Variants in NUTM2B observed in about 807,000 individuals in gnomAD.
The protein encoded by NUTM2B is NUT family member 2B, also known as family with sequence similarity 22, member B.
Under a neutral mutation model 42.4 loss-of-function variants are expected in NUTM2B, and 2 were observed. The observed-to-expected ratio is 0.05, with a 90% CI of 0.02 to 0.15. The LOEUF is 0.15. Among genes scored for constraint, NUTM2B ranks in the 10% least tolerant of loss-of-function variants. NUTM2B has a pLI of 1.00. For missense variants in NUTM2B, 58 were observed against 952.6 expected (o/e 0.06, Z 12.36); for synonymous variants, 18 against 402.4 (o/e 0.04, Z 11.43).
upstream of NUTM2B, among the ~76,000 whole-genome samples, chr10:79,700,267 A>G (rs576330260): frequency 7.0e-3 from 1,059 of 152,346 alleles, 4 homozygotes; most frequent in Middle Eastern, 0.027. Context: ...AACTTACTCA[A>G]TGAGGTCGTC....
upstream of NUTM2B, among the ~76,000 whole-genome samples, chr10:79,700,111 C>A (rs532471779): frequency 6.6e-6 from 1 of 152,344 alleles, no homozygotes; most frequent in East Asian, 1.9e-4. Flanking sequence ...CACACTCTTG[C>A]ATCCACAACC....
At chr10:79,698,011 C>G in the NUTM2B span, among the ~76,000 whole-genome samples, 1 of 151,284 alleles carries the variant, frequency 6.6e-6, no homozygotes, top group Non-Finnish European at 1.5e-5. Flanking sequence ...TGAGAACACA[C>G]ATACAAGTGG....
upstream of NUTM2B, among the ~76,000 whole-genome samples, chr10:79,702,581 CGT>C (rs1564709944): frequency 1.3e-5 from 2 of 151,260 alleles, no homozygotes; most frequent in East Asian, 3.9e-4. Flanking sequence ...GCAAATGCTT[CGT>C]AAGTGCCGAC....
At chr10:79,700,718 G>A (rs1442649629), upstream of NUTM2B, among the ~76,000 whole-genome samples, 8 of 152,248 alleles carry the variant, frequency 5.3e-5, no homozygotes, top group African/African-American at 1.7e-4. Flanking sequence ...CTCGTGCTGC[G>A]CGTCTCCCTG....
chr10:79,701,388 T>A (rs1468680769), upstream of NUTM2B, among the ~76,000 whole-genome samples: 4 of 152,110 alleles, frequency 2.6e-5, no homozygotes, highest in African/African-American at 9.7e-5. Context: ...TGCAACACAG[T>A]GCAGAATTCC....
upstream of NUTM2B, among the ~76,000 whole-genome samples, chr10:79,700,958 C>T (rs1011314835): frequency 8.5e-5 from 13 of 152,336 alleles, no homozygotes; most frequent in African/African-American, 2.4e-4. Context: ...GAGAAACCAG[C>T]GCGTCCGCAA....
intron 6 of NUTM2B, 125 bp from the exon 7 acceptor site, chr10:79,711,575 T>G (rs2132261158): frequency 1.0e-6 from 1 of 955,410 alleles, no homozygotes; most frequent in East Asian, 2.7e-5. Context: ...ACACCCTCTC[T>G]CTTTGACATA....
At chr10:79,712,675 AG>A (rs1217544750) in exon 7 of NUTM2B, 1 of 271,542 alleles carries the variant, frequency 3.7e-6, no homozygotes, top group Non-Finnish European at 5.0e-6. Flanking sequence ...TCTGGGGGGA[AG>A]GGGCTGGGGA....
At chr10:79,699,332 C>T (rs1346240383), upstream of NUTM2B, among the ~76,000 whole-genome samples, 1 of 151,678 alleles carries the variant, frequency 6.6e-6, no homozygotes, top group African/African-American at 2.4e-5. Flanking sequence ...ATCTTCACAA[C>T]CCAAATCACA....
rs145573284 is a variant in NUTM2B at position 79,709,410 on chromosome 10, C to T, written c.1212-390C>T. 1.5e-4 allele frequency among the ~76,000 whole-genome samples: 20 copies of T among 132,550 alleles called. 5 individuals are homozygous for T. Among genetic ancestry groups the T allele is most frequent in the African/African-American group, 5.2e-4 (18 of 34,604 alleles). The allele number at this position is 132,550 out of a possible 152,430, so 87.0% of individuals were successfully genotyped here. A position where few individuals can be genotyped will look rare whatever the true frequency, so the allele number is the denominator to read the frequency against. ...TCCTGACCAGGAGTCTCCCAGGCCT[C>T]GTGCCCCTGGGTTATCTTTCAGGGG... is the stretch of plus-strand genomic sequence containing the variant. On this transcript the variant is annotated intron_variant, in intron 3 of 6. Transcript: ENST00000429828.
chr10:79,697,665 TA>T, the NUTM2B span, among the ~76,000 whole-genome samples: 1 of 152,246 alleles, frequency 6.6e-6, no homozygotes, highest in African/African-American at 2.4e-5. Context: ...TTTCTTTTGT[TA>T]TTTTTTTAAG....
At chr10:79,711,911 A>T (rs1203443217) in exon 7 of NUTM2B, 1 of 1,537,008 alleles carries the variant, frequency 6.5e-7, no homozygotes, top group African/African-American at 1.5e-5. Flanking sequence ...GGCAGAGCAC[A>T]CACTGGCATG....
the NUTM2B span, among the ~76,000 whole-genome samples, chr10:79,695,544 G>A: frequency 1.3e-5 from 2 of 152,164 alleles, no homozygotes; most frequent in African/African-American, 4.8e-5. Flanking sequence ...GTTGAGAACT[G>A]GTGGCCTAGC....
upstream of NUTM2B, among the ~76,000 whole-genome samples, chr10:79,700,882 C>T (rs1421145821): frequency 6.6e-6 from 1 of 152,184 alleles, no homozygotes; most frequent in African/African-American, 2.4e-5. Context: ...TGGAGGGACG[C>T]GGCACCTGGG....
At chr10:79,699,386 A>G (rs2132234037), upstream of NUTM2B, among the ~76,000 whole-genome samples, 1 of 151,956 alleles carries the variant, frequency 6.6e-6, no homozygotes, top group Non-Finnish European at 1.5e-5. Context: ...CTTACATCTC[A>G]TATTCTCCAA....
chr10:79,702,416 G>T (rs1336466674), upstream of NUTM2B, among the ~76,000 whole-genome samples: 2 of 149,540 alleles, frequency 1.3e-5, no homozygotes, highest in Non-Finnish European at 3.0e-5. Flanking sequence ...ACAGGAGTTA[G>T]GAAATGACCT....
the NUTM2B span, among the ~76,000 whole-genome samples, chr10:79,693,568 T>C: frequency 0.086 from 13,138 of 152,258 alleles, 918 homozygotes; most frequent in African/African-American, 0.19. Flanking sequence ...TTGCCATTCA[T>C]GCAACCTGCA....
chr10:79,694,123 C>T, the NUTM2B span, among the ~76,000 whole-genome samples: 7 of 152,088 alleles, frequency 4.6e-5, no homozygotes, highest in Non-Finnish European at 7.4e-5. Context: ...GCTGGCCAGA[C>T]GTAATGGCTC....
chr10:79,711,122 CATG>C (rs1840485537), intron 5 of NUTM2B, 125 bp from the exon 6 acceptor site: 1 of 577,224 alleles, frequency 1.7e-6, no homozygotes, highest in Admixed American at 3.1e-5. Context: ...TGGTGGTCAC[CATG>C]ATATGAGACA....
Sources: allele counts gnomAD v4.1 joint callset (sites outside exome capture counted in the v4.1 genomes callset), GRCh38; gene constraint gnomAD v4.1.1; transcripts MANE v1.5; gene names NCBI Gene and HGNC (gene_info 2026-07-23, HGNC 2026-07-21).